The following PCBP3 variants were observed in gnomAD, a reference collection of about 807,000 sequenced individuals.
The protein encoded by PCBP3 is poly(rC) binding protein 3, also known as poly(rC)-binding protein 3.
Under a neutral mutation model 52.7 loss-of-function variants are expected in PCBP3, and 25 were observed. The observed-to-expected ratio is 0.47, with a 90% CI of 0.35 to 0.66. The LOEUF (loss-of-function observed/expected upper bound fraction) is 0.66. PCBP3 is among the 30% of genes least tolerant of loss of function. PCBP3 has a pLI of 0.01. For missense variants in PCBP3, 391 were observed against 490.3 expected (o/e 0.80, Z 1.91); for synonymous variants, 162 against 183.0 (o/e 0.89, Z 0.93).
At chr21:45,931,390 G>A (rs887765504) in intron 15 of PCBP3, among the ~76,000 whole-genome samples, 7 of 152,244 alleles carry the variant, frequency 4.6e-5, no homozygotes, top group Admixed American at 1.3e-4. Flanking sequence ...TGGCTTCCTG[G>A]TGGCCAGGCA....
In PCBP3 at chr21:45,829,009, G is replaced by A. The variant is rs1048541207; in HGVS notation, c.-125-20952G>A. The A allele has an allele frequency of 2.0e-5, 3 of 152,308 alleles. No homozygotes were observed. The highest frequency in any genetic ancestry group is 4.4e-5 in the Non-Finnish European group (3 of 68,130). 9.4% of individuals were successfully genotyped at this position (152,308 alleles called of 1,614,324 possible). On this transcript the variant is annotated intron_variant, in intron 4 of 17. Transcript: ENST00000681687. The surrounding 1 kb of genome is among the most constrained non-coding windows in gnomAD (Gnocchi z 5.2). ...GACTTGTGTCTTCCCACATTTCACAGGTCGAACTTACCAGGTGAAGCTGGA... is the reference window on the plus strand; with the variant it reads ...GACTTGTGTCTTCCCACATTTCACAAGTCGAACTTACCAGGTGAAGCTGGA...
In PCBP3 at chr21:45,917,511, A is replaced by G; in HGVS notation, c.676-77A>G. ...AAGCTTCTACCGGAGGGTCCTTGTC[A>G]TGCTGGAGGGTGGCGGCGGGTGCTG... On this transcript the variant is annotated intron_variant, in intron 12 of 17. Transcript: ENST00000681687. The surrounding 1 kb of genome is among the most constrained non-coding windows in gnomAD (Gnocchi z 5.3). 8.7e-7 allele frequency: 1 copy of G among 1,145,450 alleles called. No homozygotes were observed. Among genetic ancestry groups the G allele is most frequent in the Non-Finnish European group, 1.3e-6 (1 of 761,024 alleles). The allele number at this position is 1,145,450 out of a possible 1,614,324, so 71.0% of individuals were successfully genotyped here.
At chr21:45,734,153 A>G (rs972841232) in intron 2 of PCBP3, among the ~76,000 whole-genome samples, 2 of 152,058 alleles carry the variant, frequency 1.3e-5, no homozygotes, top group Non-Finnish European at 2.9e-5. Context: ...CTAGTGTAGT[A>G]CCCCAGCTTA....
intron 4 of PCBP3, among the ~76,000 whole-genome samples, chr21:45,824,899 A>G (rs375149672): frequency 1.1e-4 from 17 of 152,362 alleles, no homozygotes; most frequent in African/African-American, 4.1e-4. Context: ...TCAGCAGTAA[A>G]AAGTGGAACA....
intron 4 of PCBP3, among the ~76,000 whole-genome samples, chr21:45,797,975 G>A (rs1013059154): frequency 2.9e-5 from 3 of 104,708 alleles, no homozygotes; most frequent in Non-Finnish European, 5.7e-5. Context: ...GTGAATGGAT[G>A]TGTACATGGA....
Position 45,837,308 on chromosome 21 carries a change from G to C in PCBP3, c.-125-12653G>C, listed in dbSNP as rs967305790. The stretch of plus-strand genomic sequence containing the variant: ...TGCACCTCCCGCCAGGGAGGGGATC[G>C]TGACCCTCCCTTTAATCTGGGCAGG... On this transcript the variant is annotated intron_variant, in intron 4 of 17. Coordinates refer to ENST00000681687, the MANE Select transcript of PCBP3 (RefSeq NM_001384156.1). This position sits in a 1 kb window ranked among gnomAD's most constrained non-coding sequence, Gnocchi z 4.1. Among the ~76,000 whole-genome samples the C allele has an allele frequency of 6.6e-6, 1 of 152,204 alleles. No homozygotes were observed. Among genetic ancestry groups the C allele is most frequent in the Non-Finnish European group, 1.5e-5 (1 of 68,042 alleles).
At chr21:45,740,150 T>G (rs2086314644) in intron 3 of PCBP3, among the ~76,000 whole-genome samples, 1 of 152,196 alleles carries the variant, frequency 6.6e-6, no homozygotes, top group African/African-American at 2.4e-5. Context: ...TGCCCCATCC[T>G]CCGACCCAAG....
intron 1 of PCBP3, among the ~76,000 whole-genome samples, chr21:45,644,569 A>T (rs771749561): frequency 2.0e-5 from 3 of 151,976 alleles, no homozygotes; most frequent in African/African-American, 7.3e-5. Context: ...GAAGTATATT[A>T]CTGGCATAAG....
chr21:45,734,058 T>C (rs1433460511), intron 2 of PCBP3, among the ~76,000 whole-genome samples: 2 of 152,236 alleles, frequency 1.3e-5, no homozygotes, highest in Non-Finnish European at 2.9e-5. Flanking sequence ...TTTAAAATAT[T>C]TTGAACTATG....
chr21:45,768,882 G>C (rs891181985), intron 4 of PCBP3, among the ~76,000 whole-genome samples: 1 of 152,214 alleles, frequency 6.6e-6, no homozygotes, highest in African/African-American at 2.4e-5. Context: ...TCCACGACAG[G>C]CACCTCTGCC....
intron 4 of PCBP3, among the ~76,000 whole-genome samples, chr21:45,790,380 G>A (rs185709208): frequency 1.7e-3 from 261 of 152,332 alleles, no homozygotes; most frequent in African/African-American, 6.2e-3. Flanking sequence ...GTTGTGTCCA[G>A]CACTTGCATC....
Position 45,791,082 on chromosome 21 carries a change from C to G in PCBP3, c.-126+35630C>G, listed in dbSNP as rs994096070. Among the ~76,000 whole-genome samples the G allele has an allele frequency of 6.6e-6, 1 of 152,148 alleles. No homozygotes were observed. The highest frequency in any genetic ancestry group is 1.9e-4 in the East Asian group (1 of 5,164). On this transcript the variant is annotated intron_variant, in intron 4 of 17. Transcript: ENST00000681687. The surrounding 1 kb of genome is among the most constrained non-coding windows in gnomAD (Gnocchi z 4.2). ...TCAGTAGAGGGGCTGGCTGGCCCAC[C>G]GAGGCCAGCATCTTGCAGTGGCGAA...
At chr21:45,828,052 A>G (rs2093351285) in intron 4 of PCBP3, 1 of 152,290 alleles carries the variant, frequency 6.6e-6, no homozygotes, top group African/African-American at 2.4e-5. Context: ...TGCAGTCCCC[A>G]TCTGGAGTGT....
intron 4 of PCBP3, among the ~76,000 whole-genome samples, chr21:45,814,974 A>ATGAGTGAGTGG (rs1250024546): frequency 4.4e-5 from 4 of 90,296 alleles, no homozygotes. Context: ...GTGGTGAGTG[A>ATGAGTGAGTGG]TGAGTGAGTG....
chr21:45,668,626 T>G (rs1241232264), intron 1 of PCBP3, among the ~76,000 whole-genome samples: 1 of 152,136 alleles, frequency 6.6e-6, no homozygotes, highest in African/African-American at 2.4e-5. Context: ...ATTTATGTTC[T>G]TAGGATATTT....
chr21:45,714,957 A>G (rs929047209), intron 2 of PCBP3, among the ~76,000 whole-genome samples: 1 of 152,240 alleles, frequency 6.6e-6, no homozygotes, highest in East Asian at 1.9e-4. Context: ...TAAGAGCAAA[A>G]CACGGTTTAA....
chr21:45,755,233 A>G (rs1361260649), intron 3 of PCBP3, among the ~76,000 whole-genome samples, 184 bp from the exon 4 acceptor site: 1 of 152,204 alleles, frequency 6.6e-6, no homozygotes, highest in Non-Finnish European at 1.5e-5. Context: ...TCCCTTGCCC[A>G]TGATACTTCT....
chr21:45,681,976 T>TG (rs1337025875), intron 2 of PCBP3, among the ~76,000 whole-genome samples: 4 of 151,958 alleles, frequency 2.6e-5, no homozygotes, highest in Non-Finnish European at 2.9e-5. Context: ...CTCAGAAATC[T>TG]GGGGGGCTAT....
At chr21:45,840,100 TTGTG>T (rs759444385) in intron 4 of PCBP3, among the ~76,000 whole-genome samples, 1 of 151,964 alleles carries the variant, frequency 6.6e-6, no homozygotes, top group Non-Finnish European at 1.5e-5. Context: ...GCTGTACAAT[TTGTG>T]TGTGTGTGTT....
Sources: gnomAD v4.1 joint callset for allele counts (sites outside exome capture counted in the v4.1 genomes callset) on GRCh38, gnomAD v4.1.1 for gene constraint, Gnocchi (gnomAD v3.1) non-coding constraint, MANE v1.5 for transcripts, NCBI Gene and HGNC (gene_info 2026-07-23, HGNC 2026-07-21) for gene names.